KIF19: variants seen among roughly 807,000 people sequenced by gnomAD.
KIF19 encodes kinesin family member 19.
Under a neutral mutation model 106.6 loss-of-function variants are expected in KIF19, and 98 were observed. That is an observed-to-expected ratio of 0.92 (90% CI 0.78 to 1.09). The LOEUF (loss-of-function observed/expected upper bound fraction) is 1.09, where lower values mean the gene tolerates loss of function less well. Ranked by LOEUF, KIF19 falls within the 50% of genes least tolerant of loss-of-function variation. The probability of loss-of-function intolerance (pLI) is 0.00; values close to 1 mark genes in which losing one functional copy is unlikely to be tolerated. For synonymous variants in KIF19, 516 were observed against 584.2 expected, an observed-to-expected ratio of 0.88 and a Z score of 1.68; for missense variants, 1,373 against 1,414.3, an observed-to-expected ratio of 0.97 and a Z score of 0.47.
intron 2 of KIF19, among the ~76,000 whole-genome samples, chr17:74,340,555 G>GCGCGCGCACACA: frequency 7.4e-5 from 11 of 148,210 alleles, no homozygotes; most frequent in Admixed American, 6.7e-4. Flanking sequence ...ATGCGCGCGC[G>GCGCGCGCACACA]TACACACACA....
chr17:74,346,518 C>T lies in KIF19; in HGVS notation c.918C>T (p.Leu306=). The T allele has an allele frequency of 6.4e-7, 1 of 1,550,934 alleles. No individual in the cohort carries two copies. Among genetic ancestry groups the T allele is most frequent in the Non-Finnish European group, 8.7e-7 (1 of 1,146,908 alleles). Residue 306 remains leucine (L), a synonymous_variant, in exon 8 of 20, where the codon CTC becomes CTT. Transcript: ENST00000389916. The surrounding 1 kb of genome is among the most constrained non-coding windows in gnomAD (Gnocchi z 4.6). ...INYRDSKLTR[L]LKDSLGGNSR... ...ATCGCGACAGCAAGCTCACCCGGCT[C>T]CTGAAGGTACCAGCCACAGCTGGGC...
chr17:74,342,016 A>G (rs1212068265), intron 3 of KIF19, 30 bp downstream of exon 3: 12 of 1,424,386 alleles, frequency 8.4e-6, no homozygotes, highest in Non-Finnish European at 1.0e-5. Flanking sequence ...GGAGACACGC[A>G]GGAGCCCCTC....
intron 2 of KIF19, among the ~76,000 whole-genome samples, chr17:74,339,909 G>A (rs746723117): frequency 6.6e-6 from 1 of 152,194 alleles, no homozygotes. Context: ...CCACGGTGAG[G>A]GTGGAGTTGT....
At chr17:74,345,788 TG>T (rs1416077598) in intron 7 of KIF19, among the ~76,000 whole-genome samples, 2 of 151,946 alleles carry the variant, frequency 1.3e-5, no homozygotes, top group African/African-American at 2.4e-5. Flanking sequence ...CAGTAAAGCC[TG>T]GGGGGCTTCC....
At position 74,344,079 on chromosome 17, in the gene KIF19, C is replaced by T. The variant is rs529996977; in HGVS notation, c.457-144C>T. The T allele has an allele frequency of 1.0e-3, 750 of 723,612 alleles. 1 individual carries two copies. Among genetic ancestry groups the T allele is most frequent in the Admixed American group, 1.6e-3 (51 of 32,164 alleles). 44.8% of individuals were successfully genotyped at this position (723,612 alleles called of 1,614,324 possible). On this transcript the variant is annotated intron_variant, in intron 5 of 19. Transcript: ENST00000389916. ...GAAGGAAAGGGCCTTTCCTCCTAAT[C>T]AGGGCTCTTCTGAGAAGAGCCTGGG...
At position 74,347,770 on chromosome 17, in the gene KIF19, C is replaced by A; in HGVS notation, c.925-7C>A. On this transcript the variant is annotated splice_region_variant and splice_polypyrimidine_tract_variant and intron_variant, in intron 8 of 19. Transcript: ENST00000389916. ...GTCCCCACTGACCACAGCCACCTCC[C>A]ATCCAGGACTCTCTGGGAGGAAACA... 1 of 1,588,202 alleles carries A rather than the reference C, an allele frequency of 6.3e-7. No individual in the cohort carries two copies.
At chr17:74,333,732 G>A (rs2054150631) in intron 2 of KIF19, among the ~76,000 whole-genome samples, 1 of 152,070 alleles carries the variant, frequency 6.6e-6, no homozygotes, top group Non-Finnish European at 1.5e-5. Flanking sequence ...TAGGTTGCAA[G>A]GATCCTTACA....
rs775114045 is a variant in KIF19, at chr17:74,344,394, C to G, written c.582+46C>G. The G allele has an allele frequency of 1.9e-6, 3 of 1,597,172 alleles. No homozygotes were observed. The South Asian group carries it at 3.4e-5, about 18-fold the overall frequency. On this transcript the variant is annotated intron_variant, in intron 6 of 19. Transcript: ENST00000389916. ...CTGGAGCCGCTGAGAGGAAGCTCAC[C>G]GCCTGAGGGGCAGGAGGGGCGGGGA...
intron 8 of KIF19, 83 bp from the exon 9 acceptor site, chr17:74,347,694 G>C: frequency 1.3e-6 from 2 of 1,494,352 alleles, no homozygotes; most frequent in Non-Finnish European, 1.8e-6. Context: ...GATTGCACTC[G>C]CCAGGGAGGG....
intron 4 of KIF19, 129 bp from the exon 5 acceptor site, chr17:74,342,895 C>T: frequency 7.9e-7 from 1 of 1,269,326 alleles, no homozygotes; most frequent in Non-Finnish European, 1.1e-6. Flanking sequence ...CCTCCCCACT[C>T]CCCACCACCT....
chr17:74,347,698 G>A, intron 8 of KIF19, 79 bp from the exon 9 acceptor site: 1 of 1,513,344 alleles, frequency 6.6e-7, no homozygotes, highest in Non-Finnish European at 8.9e-7. Flanking sequence ...GCACTCGCCA[G>A]GGAGGGCATC....
At chr17:74,349,929 G>A (rs966580092) in intron 10 of KIF19, among the ~76,000 whole-genome samples, 1 of 152,040 alleles carries the variant, frequency 6.6e-6, no homozygotes, top group African/African-American at 2.4e-5. Flanking sequence ...CTCCCAAGTA[G>A]CTGGGATTAC....
chr17:74,341,697 CT>C (rs2054377615), intron 2 of KIF19, among the ~76,000 whole-genome samples, 178 bp from the exon 3 acceptor site: 1 of 152,208 alleles, frequency 6.6e-6, no homozygotes, highest in Non-Finnish European at 1.5e-5. Context: ...ACTCCGGCCT[CT>C]GGCCCCTCCC....
At chr17:74,350,650 A>C in intron 11 of KIF19, 57 bp from the exon 12 acceptor site, 3 of 1,610,544 alleles carry the variant, frequency 1.9e-6, no homozygotes, top group Non-Finnish European at 2.5e-6. Context: ...GTGGCTGTAC[A>C]GTGTGCCCTG....
intron 15 of KIF19, 34 bp from the exon 16 acceptor site, chr17:74,353,162 T>A: frequency 6.5e-7 from 1 of 1,528,546 alleles, no homozygotes; most frequent in Non-Finnish European, 8.9e-7. Context: ...GATAGCCTGG[T>A]CTACAGCCAC....
rs886231347 is a variant in KIF19, at chr17:74,331,148, C to T, written c.120+2643C>T. On this transcript the variant is annotated intron_variant, in intron 2 of 19. Transcript: ENST00000389916. This position sits in a 1 kb window ranked among gnomAD's most constrained non-coding sequence, Gnocchi z 4.1. Reference sequence around the variant, plus strand: ...TTGTCCCCGACCTGACCAGTTCCCCCACCTCCTGACCTTCACCTGACCCTA... The same window carrying T: ...TTGTCCCCGACCTGACCAGTTCCCCTACCTCCTGACCTTCACCTGACCCTA... Among the ~76,000 whole-genome samples the T allele has an allele frequency of 3.9e-5, 6 of 152,168 alleles. No individual in the cohort carries two copies. The highest frequency in any genetic ancestry group is 1.9e-4 in the East Asian group (1 of 5,186).
At chr17:74,342,888 C>T (rs1428881764) in intron 4 of KIF19, 136 bp from the exon 5 acceptor site, 2 of 1,233,706 alleles carry the variant, frequency 1.6e-6, no homozygotes, top group Non-Finnish European at 2.2e-6. Context: ...GCATCATCCT[C>T]CCCACTCCCC....
intron 3 of KIF19, among the ~76,000 whole-genome samples, 162 bp from the exon 4 acceptor site, chr17:74,342,468 T>C (rs576992223): frequency 1.7e-4 from 26 of 151,892 alleles, no homozygotes; most frequent in Non-Finnish European, 2.8e-4. Flanking sequence ...CCACTGTGAG[T>C]GTAAGCAGAG....
chr17:74,354,045 G>A, intron 17 of KIF19, 117 bp from the exon 18 acceptor site: 1 of 1,179,456 alleles, frequency 8.5e-7, no homozygotes, highest in Admixed American at 2.4e-5. Context: ...CAAACCCCTG[G>A]AAGTGCTAGG....
Sources: allele counts gnomAD v4.1 joint callset (sites outside exome capture counted in the v4.1 genomes callset), GRCh38; gene constraint gnomAD v4.1.1; non-coding constraint Gnocchi (gnomAD v3.1); transcripts MANE v1.5; gene names NCBI Gene and HGNC (gene_info 2026-07-23, HGNC 2026-07-21).